The following SLC2A9 variants were observed in gnomAD, a reference collection of about 807,000 sequenced individuals.
SLC2A9 encodes solute carrier family 2, facilitated glucose transporter member 9.
SLC2A9 carries 39 observed loss-of-function variants against 50.6 expected under a neutral mutation model. The observed-to-expected ratio is 0.77, with a 90% CI of 0.60 to 1.01. The LOEUF (loss-of-function observed/expected upper bound fraction) is 1.01. Among genes scored for constraint, SLC2A9 ranks in the 50% least tolerant of loss-of-function variants. The pLI, the probability that SLC2A9 is intolerant of heterozygous loss-of-function variation, is 0.00. For synonymous variants in SLC2A9, 324 were observed against 276.9 expected, an observed-to-expected ratio of 1.17 and a Z score of -1.69; for missense variants, 686 against 677.6, an observed-to-expected ratio of 1.01 and a Z score of -0.14.
rs558749046 is a variant in SLC2A9 at position 9,962,205 on chromosome 4, TCC to T, written c.681+18385_681+18386del. Reference sequence around the variant, plus strand: ...CCAGAAATACCATTTGACCCAGCAATCCCATTACTGGGTATATACCCAAATGA... The same window carrying T: ...CCAGAAATACCATTTGACCCAGCAATCATTACTGGGTATATACCCAAATGA... On this transcript the variant is annotated intron_variant, in intron 5 of 11. Coordinates refer to ENST00000264784, the MANE Select transcript of SLC2A9 (RefSeq NM_020041.3). Among the ~76,000 whole-genome samples, 852 of 152,304 alleles carry T rather than the reference TCC, an allele frequency of 5.6e-3. 5 individuals carry two copies. Among genetic ancestry groups the T allele is most frequent in the South Asian group, 0.033 (160 of 4,824 alleles).
At chr4:9,781,291 T>C (rs976905660) in intron 3 of SLC2A9, among the ~76,000 whole-genome samples, 6 of 152,180 alleles carry the variant, frequency 3.9e-5, no homozygotes, top group Admixed American at 6.5e-5. Flanking sequence ...GGTCTGTGGG[T>C]AATCCAAGGC....
intron 10 of SLC2A9, among the ~76,000 whole-genome samples, chr4:9,862,136 T>C (rs539563268): frequency 2.7e-5 from 4 of 150,660 alleles, no homozygotes; most frequent in Admixed American, 1.3e-4. Flanking sequence ...AAGCAGGACA[T>C]AGATTTACAA....
At chr4:9,866,502 C>A (rs1732493603) in intron 10 of SLC2A9, among the ~76,000 whole-genome samples, 1 of 152,112 alleles carries the variant, frequency 6.6e-6, no homozygotes, top group Non-Finnish European at 1.5e-5. Context: ...CACTTTGACC[C>A]TGTTGATTCC....
chr4:9,864,649 C>T (rs1457351514), intron 10 of SLC2A9, among the ~76,000 whole-genome samples: 1 of 152,170 alleles, frequency 6.6e-6, no homozygotes, highest in Non-Finnish European at 1.5e-5. Flanking sequence ...CAAACCCAAG[C>T]CTGGAAGAGT....
chr4:9,820,574 C>T (rs1048803260), intron 3 of SLC2A9, among the ~76,000 whole-genome samples: 1 of 152,162 alleles, frequency 6.6e-6, no homozygotes, highest in Non-Finnish European at 1.5e-5. Context: ...TCAGTGAACA[C>T]AGTGTATCTT....
At chr4:9,796,497 A>C (rs1456613393), downstream of SLC2A9, among the ~76,000 whole-genome samples, 1 of 152,224 alleles carries the variant, frequency 6.6e-6, no homozygotes, top group East Asian at 1.9e-4. Context: ...CAGTGCTGTA[A>C]GGATTAGATG....
At chr4:9,923,525 C>T (rs977327529) in intron 6 of SLC2A9, among the ~76,000 whole-genome samples, 1 of 152,144 alleles carries the variant, frequency 6.6e-6, no homozygotes, top group African/African-American at 2.4e-5. Flanking sequence ...GTCCATTTTG[C>T]AGATGGACAG....
rs1176906123 is a variant in SLC2A9 at position 9,827,012 on chromosome 4, G to GGAAGAATGTGGAGC, written c.1420-426_1420-413dup. On this transcript the variant is annotated intron_variant, in intron 11 of 11. Coordinates refer to ENST00000264784, the MANE Select transcript of SLC2A9 (RefSeq NM_020041.3). ...GGGAAGAGAAATGCCTTAGTTCATA[G>GGAAGAATGTGGAGC]GAAGAATGTGGAGCACAGAATAGGC... Among the ~76,000 whole-genome samples the GGAAGAATGTGGAGC allele has an allele frequency of 6.6e-5, 10 of 152,292 alleles. No homozygotes were observed. The East Asian group carries it at 1.7e-3, about 26-fold the overall frequency.
chr4:9,772,025 A>C (rs1424421977), intron 1 of SLC2A9, among the ~76,000 whole-genome samples: 1 of 152,198 alleles, frequency 6.6e-6, no homozygotes, highest in Non-Finnish European at 1.5e-5. Flanking sequence ...GAATTAGTGC[A>C]TTAATTTTTA....
intron 8 of SLC2A9, among the ~76,000 whole-genome samples, chr4:9,891,626 G>A (rs905941546): frequency 7.2e-5 from 11 of 152,174 alleles, no homozygotes; most frequent in African/African-American, 1.9e-4. Flanking sequence ...AAGAGAACAC[G>A]GAGGGTCAGA....
At chr4:9,780,393 C>G (rs1312915695) in intron 3 of SLC2A9, among the ~76,000 whole-genome samples, 4 of 152,076 alleles carry the variant, frequency 2.6e-5, no homozygotes, top group Admixed American at 1.3e-4. Flanking sequence ...GTTTAGGCAC[C>G]TGGACAGATG....
At chr4:9,868,651 T>G (rs1227767668) in intron 10 of SLC2A9, among the ~76,000 whole-genome samples, 1 of 152,194 alleles carries the variant, frequency 6.6e-6, no homozygotes, top group African/African-American at 2.4e-5. Context: ...TCTGTGGAGC[T>G]GACAGCCAGC....
At chr4:9,772,537 T>C (rs531813221) in intron 1 of SLC2A9, among the ~76,000 whole-genome samples, 4 of 152,230 alleles carry the variant, frequency 2.6e-5, no homozygotes, top group Middle Eastern at 3.4e-3. Context: ...CCCTGCACAA[T>C]GAGAAGAGCA....
intron 1 of SLC2A9, chr4:10,035,853 A>AG (rs1298609199): frequency 6.6e-6 from 1 of 152,386 alleles, no homozygotes; most frequent in East Asian, 1.9e-4. Context: ...CTGCTCTTGA[A>AG]GGTCAGAACT....
At chr4:9,899,382 A>C (rs1739182393) in intron 8 of SLC2A9, among the ~76,000 whole-genome samples, 1 of 152,240 alleles carries the variant, frequency 6.6e-6, no homozygotes. Context: ...CATGAAAAGC[A>C]ATTTCACATT....
intron 1 of SLC2A9, chr4:10,035,998 C>G (rs1036876105): frequency 1.0e-5 from 2 of 192,640 alleles, no homozygotes; most frequent in African/African-American, 4.8e-5. Context: ...TTGGACTGAG[C>G]CGTGCTGCCA....
intron 5 of SLC2A9, among the ~76,000 whole-genome samples, chr4:9,945,057 A>C (rs1208118367): frequency 6.6e-6 from 1 of 152,234 alleles, no homozygotes; most frequent in Non-Finnish European, 1.5e-5. Context: ...AGAATTTCTG[A>C]CAATGAACAT....
At chr4:9,946,004 A>T (rs1749075759) in intron 5 of SLC2A9, among the ~76,000 whole-genome samples, 1 of 152,182 alleles carries the variant, frequency 6.6e-6, no homozygotes, top group South Asian at 2.1e-4. Flanking sequence ...AAAAAACCGC[A>T]TATTACTCGC....
chr4:9,928,897 A>ATTCCC (rs1745388380), intron 6 of SLC2A9, among the ~76,000 whole-genome samples: 1 of 152,230 alleles, frequency 6.6e-6, no homozygotes, highest in Non-Finnish European at 1.5e-5. Flanking sequence ...AAAGGCAACA[A>ATTCCC]CTTCTTACTA....
Sources: gnomAD v4.1 joint callset for allele counts (sites outside exome capture counted in the v4.1 genomes callset) on GRCh38, gnomAD v4.1.1 for gene constraint, MANE v1.5 for transcripts, NCBI Gene and HGNC (gene_info 2026-07-23, HGNC 2026-07-21) for gene names.